Variants in ADAM22 observed in about 807,000 individuals in gnomAD.
ADAM22 encodes the protein disintegrin and metalloproteinase domain-containing protein 22.
A neutral mutation model predicts 144.6 loss-of-function variants in ADAM22; 65 were observed. The ratio of observed to expected loss-of-function variants is 0.45; its 90% CI spans 0.37 to 0.55. The LOEUF is 0.55. ADAM22 is among the 20% of genes least tolerant of loss of function. The probability of loss-of-function intolerance (pLI) is 0.00; values close to 1 mark genes in which losing one functional copy is unlikely to be tolerated. For missense variants in ADAM22, 974 were observed against 1,184.9 expected (o/e 0.82, Z 2.61); for synonymous variants, 391 against 412.6 (o/e 0.95, Z 0.63).
At chr7:88,127,867 T>C (rs1830806571) in intron 8 of ADAM22, among the ~76,000 whole-genome samples, 1 of 152,032 alleles carries the variant, frequency 6.6e-6, no homozygotes, top group Admixed American at 6.6e-5. Context: ...ACAAAGAGAA[T>C]AGCTGCCTTA....
chr7:88,174,546 C>G (rs1029340001), intron 26 of ADAM22, among the ~76,000 whole-genome samples: 5 of 152,046 alleles, frequency 3.3e-5, no homozygotes, highest in African/African-American at 4.8e-5. Context: ...TGCTTTAGGT[C>G]TTAGAAGCTA....
At chr7:88,074,647 A>G (rs182521188) in intron 3 of ADAM22, among the ~76,000 whole-genome samples, 50 of 152,346 alleles carry the variant, frequency 3.3e-4, no homozygotes, top group African/African-American at 1.2e-3. Context: ...AAGATAAATG[A>G]AGCATTGACT....
chr7:88,181,391 C>T, intron 27 of ADAM22, 114 bp from the exon 28 acceptor site: 1 of 791,992 alleles, frequency 1.3e-6, no homozygotes, highest in African/African-American at 1.8e-5. Context: ...CAGATTTTTT[C>T]TTTCTTGATT....
chr7:88,005,659 T>C (rs1268872528), intron 3 of ADAM22, among the ~76,000 whole-genome samples: 1 of 152,172 alleles, frequency 6.6e-6, no homozygotes, highest in Non-Finnish European at 1.5e-5. Flanking sequence ...ATGCTAAATC[T>C]GTCACATTAA....
At chr7:88,044,037 T>G (rs1183644319) in intron 3 of ADAM22, among the ~76,000 whole-genome samples, 2 of 152,174 alleles carry the variant, frequency 1.3e-5, no homozygotes, top group Non-Finnish European at 2.9e-5. Context: ...ATACATTAAA[T>G]CCAAAGAGAA....
rs571173525 is a variant in ADAM22, at chr7:88,007,076, A to C, written c.323+28664A>C. On this transcript the variant is annotated intron_variant, in intron 3 of 31. Transcript: ENST00000413139. Reference sequence around the variant, plus strand: ...AAGTCTCAGTATACAAAATCAATGTACAAAAATCACAAGCATTCTTATACA... The same window carrying C: ...AAGTCTCAGTATACAAAATCAATGTCCAAAAATCACAAGCATTCTTATACA... Among the ~76,000 whole-genome samples the C allele has an allele frequency of 1.2e-4, 18 of 152,338 alleles. 1 individual carries two copies. Among genetic ancestry groups the C allele is most frequent in the South Asian group, 6.2e-4 (3 of 4,824 alleles).
At chr7:88,085,717 C>T (rs1231617121) in intron 4 of ADAM22, among the ~76,000 whole-genome samples, 1 of 152,166 alleles carries the variant, frequency 6.6e-6, no homozygotes, top group African/African-American at 2.4e-5. Context: ...AGAAATAAAG[C>T]TCGGCCAGCT....
intron 7 of ADAM22, 26 bp downstream of exon 7, chr7:88,116,840 T>TA (rs781510406): frequency 2.0e-6 from 3 of 1,534,946 alleles, no homozygotes; most frequent in African/African-American, 1.4e-5. Context: ...AGTGACTTTT[T>TA]ATCTAAAAGA....
chr7:88,001,622 G>C lies in ADAM22; in HGVS notation c.323+23210G>C, dbSNP rs2282945. Among the ~76,000 whole-genome samples the C allele has an allele frequency of 5.2e-3, 784 of 152,090 alleles. 11 individuals carry two copies. The highest frequency in any genetic ancestry group is 0.045 in the East Asian group (232 of 5,134). On this transcript the variant is annotated intron_variant, in intron 3 of 31. Transcript: ENST00000413139. ...ATAGGCCTGTGTTTATATCTGGGGA[G>C]TGTGCTTATTCCAAAATGAGAGGAT...
rs777885105 is a variant in ADAM22, at chr7:87,934,490, G to T, written c.25G>T (p.Val9Leu). 1 of 1,606,802 alleles carries T rather than the reference G, an allele frequency of 6.2e-7. No individual in the cohort carries two copies. The highest frequency in any genetic ancestry group is 1.1e-5 in the South Asian group (1 of 90,408). The part of the protein sequence containing the change: MQAAVAVS[V>L]PFLLLCVLGT... ...CATGCAGGCGGCAGTGGCTGTGTCC[G>T]TGCCCTTCTTGCTGCTCTGTGTCCT... The change falls in exon 1 of 32, where the codon GTG becomes TTG. Residue 9 changes from valine to leucine, a missense_variant. Transcript: ENST00000413139.
At chr7:88,164,983 T>C (rs1436826420) in intron 23 of ADAM22, among the ~76,000 whole-genome samples, 1 of 152,102 alleles carries the variant, frequency 6.6e-6, no homozygotes, top group Non-Finnish European at 1.5e-5. Flanking sequence ...TCTGTAGCTC[T>C]GATTGAGGCT....
chr7:88,181,909 G>A, intron 28 of ADAM22, 49 bp from the exon 29 acceptor site: 1 of 1,528,704 alleles, frequency 6.5e-7, no homozygotes, highest in Admixed American at 1.7e-5. Flanking sequence ...TTAGACATAG[G>A]GCAATCACTT....
At chr7:88,144,652 CTAT>C (rs147910772) in intron 15 of ADAM22, among the ~76,000 whole-genome samples, 18 of 151,760 alleles carry the variant, frequency 1.2e-4, no homozygotes, top group Non-Finnish European at 1.5e-4. Context: ...GGATGGACAA[CTAT>C]TATTATTATT....
intron 29 of ADAM22, chr7:88,182,242 G>C: frequency 2.2e-6 from 1 of 451,632 alleles, no homozygotes; most frequent in Non-Finnish European, 3.9e-6. Flanking sequence ...TGATAGTGGG[G>C]GTCTCACCTG....
intron 3 of ADAM22, among the ~76,000 whole-genome samples, chr7:87,998,388 G>A (rs964009768): frequency 8.6e-5 from 13 of 152,004 alleles, no homozygotes; most frequent in Admixed American, 2.6e-4. Flanking sequence ...AGAATATCCC[G>A]ATTTATCTAT....
chr7:88,082,374 C>T (rs1297534959), intron 4 of ADAM22, among the ~76,000 whole-genome samples: 1 of 152,070 alleles, frequency 6.6e-6, no homozygotes, highest in Non-Finnish European at 1.5e-5. Context: ...CACCTAAAAC[C>T]ATAAAAACCC....
intron 6 of ADAM22, among the ~76,000 whole-genome samples, chr7:88,116,152 G>A (rs1827705453): frequency 1.3e-5 from 2 of 151,934 alleles, no homozygotes; most frequent in Non-Finnish European, 2.9e-5. Context: ...ATATGAAACC[G>A]GACTATGACA....
At chr7:87,962,405 G>T (rs1309862218) in intron 2 of ADAM22, among the ~76,000 whole-genome samples, 1 of 152,138 alleles carries the variant, frequency 6.6e-6, no homozygotes, top group Non-Finnish European at 1.5e-5. Flanking sequence ...AGAGGCACTT[G>T]GTATAGCGTT....
At chr7:87,956,960 G>A (rs1846932688) in intron 2 of ADAM22, among the ~76,000 whole-genome samples, 1 of 152,178 alleles carries the variant, frequency 6.6e-6, no homozygotes, top group Admixed American at 6.5e-5. Flanking sequence ...ATTACATACA[G>A]TGGTATACAT....
Sources: gnomAD v4.1 joint callset for allele counts (sites outside exome capture counted in the v4.1 genomes callset) on GRCh38, gnomAD v4.1.1 for gene constraint, MANE v1.5 for transcripts, NCBI Gene and HGNC (gene_info 2026-07-23, HGNC 2026-07-21) for gene names.